AR: variants seen among roughly 807,000 people sequenced by gnomAD.
AR encodes the protein dihydrotestosterone receptor.
Under a neutral mutation model 53.9 loss-of-function variants are expected in AR, and 8 were observed. That is an observed-to-expected ratio of 0.15 (90% confidence interval 0.09 to 0.27). AR has a LOEUF of 0.27. AR is among the 10% of genes least tolerant of loss of function. The pLI is 1.00. For missense variants in AR, 639 were observed against 742.5 expected (o/e 0.86, Z 1.62); for synonymous variants, 359 against 316.4 (o/e 1.13, Z -1.43).
In AR at chrX:67,730,028, C is replaced by A. The variant is rs2076173655; in HGVS notation, c.*6187C>A. ...AAGTCCCCTCACAACCCAGTGACAC[C>A]TTTCTGCTTTCCTCTAGACTGGAAC... On this transcript the variant is annotated 3_prime_UTR_variant, in exon 8 of 8. Transcript: ENST00000374690. 5.7e-6 allele frequency: 1 copy of A among 175,328 alleles called. No individual in the cohort carries two copies. Among genetic ancestry groups the A allele is most frequent in the East Asian group, 8.0e-5 (1 of 12,426 alleles). The allele number at this position is 175,328 out of a possible 1,213,427, so 14.4% of individuals were successfully genotyped here.
chrX:67,636,261 C>G (rs777415249), intron 1 of AR, among the ~76,000 whole-genome samples: 1 of 111,534 alleles, frequency 9.0e-6, no homozygotes, highest in East Asian at 2.8e-4. Flanking sequence ...CCTCTTTCCT[C>G]TTACCATCAC....
chrX:67,693,154 C>T (rs1336355307), intron 3 of AR, among the ~76,000 whole-genome samples: 7 of 112,194 alleles, frequency 6.2e-5, no homozygotes, highest in Admixed American at 9.4e-5. Context: ...TTAATGATAC[C>T]GCATATCTGA....
intron 2 of AR, among the ~76,000 whole-genome samples, chrX:67,666,608 AT>A (rs1179449911): frequency 5.4e-5 from 6 of 111,362 alleles, no homozygotes; most frequent in African/African-American, 2.0e-4. Flanking sequence ...TGATAGCTCT[AT>A]TTTTAGTATT....
chrX:67,651,617 G>A (rs1416624595), intron 2 of AR, among the ~76,000 whole-genome samples: 1 of 111,850 alleles, frequency 8.9e-6, no homozygotes, highest in Non-Finnish European at 1.9e-5. Context: ...AAGAAAGGCA[G>A]CAATGAAGAG....
rs746853821 is a variant in AR, at chrX:67,546,514, T to TGGCGGCGGCGGCGGCGGCGGCGGCGGC, written c.1394_1420dup (p.Gly465_Gly473dup). 2.7e-5 allele frequency: 14 copies of TGGCGGCGGCGGCGGCGGCGGCGGCGGC among 509,502 alleles called. No homozygotes were observed. Among genetic ancestry groups the TGGCGGCGGCGGCGGCGGCGGCGGCGGC allele is most frequent in the African/African-American group, 1.5e-4 (5 of 33,471 alleles). The allele number at this position is 509,502 out of a possible 1,213,427, so 42.0% of individuals were successfully genotyped here. ...GACCGTGTGGTGGTGGTGGGGGTGG[T>TGGCGGCGGCGGCGGCGGCGGCGGCGGC]GGCGGCGGCGGCGGCGGCGGCGGCG... On this transcript the variant is annotated inframe_insertion, in exon 1 of 8. Transcript: ENST00000374690.
chrX:67,698,479 A>G (rs1412949662), intron 3 of AR, among the ~76,000 whole-genome samples: 1 of 112,875 alleles, frequency 8.9e-6, no homozygotes, highest in Middle Eastern at 4.6e-3. Flanking sequence ...TATGTTTGCC[A>G]GGCTTTTTTA....
At chrX:67,643,439 C>G (rs775906908) in intron 2 of AR, 32 bp downstream of exon 2, 1 of 1,186,034 alleles carries the variant, frequency 8.4e-7, no homozygotes, top group African/African-American at 1.8e-5. Flanking sequence ...CTTCTCTTTC[C>G]CTTTCTCCTT....
intron 5 of AR, among the ~76,000 whole-genome samples, chrX:67,720,631 A>G (rs1440958949): frequency 9.0e-6 from 1 of 111,416 alleles, no homozygotes; most frequent in Non-Finnish European, 1.9e-5. Flanking sequence ...CCTGAGTTGA[A>G]TAATTCTACA....
chrX:67,727,072 C>T lies in AR; in HGVS notation c.*3231C>T, dbSNP rs186895500. The T allele has an allele frequency of 1.0e-3, 174 of 172,788 alleles. 1 individual carries two copies. The highest frequency in any genetic ancestry group is 5.0e-3 in the African/African-American group (171 of 34,184). 14.2% of individuals were successfully genotyped at this position (172,788 alleles called of 1,213,427 possible). On this transcript the variant is annotated 3_prime_UTR_variant, in exon 8 of 8. Coordinates refer to ENST00000374690, the MANE Select transcript of AR (RefSeq NM_000044.6). ...GAACTCTGTAGTCAAAGAAAAGAGT[C>T]GTGTGGCAGTTTCAGCTCTCGTTCA...
intron 3 of AR, chrX:67,694,968 T>C: frequency 2.1e-6 from 2 of 973,394 alleles, no homozygotes; most frequent in South Asian, 3.9e-5. Context: ...ATTCATGTAG[T>C]TGTGAGTATC....
Position 67,729,324 on chromosome X carries a change from C to A in AR, c.*5483C>A, listed in dbSNP as rs948945800. 11 of 173,729 alleles carry A rather than the reference C, an allele frequency of 6.3e-5. No individual in the cohort carries two copies. The highest frequency in any genetic ancestry group is 3.3e-4 in the African/African-American group (11 of 33,841). 14.3% of individuals were successfully genotyped at this position (173,729 alleles called of 1,213,427 possible). On this transcript the variant is annotated 3_prime_UTR_variant, in exon 8 of 8. Coordinates refer to ENST00000374690, the MANE Select transcript of AR (RefSeq NM_000044.6). Reference sequence around the variant, plus strand: ...TTGACACTTCTGTTGCCTAGGACCTCCCAACTCAACCATTTCTAGGTGAAG... The same window carrying A: ...TTGACACTTCTGTTGCCTAGGACCTACCAACTCAACCATTTCTAGGTGAAG...
intron 2 of AR, among the ~76,000 whole-genome samples, chrX:67,673,099 C>A (rs1489113423): frequency 1.9e-5 from 2 of 107,374 alleles, no homozygotes; most frequent in Non-Finnish European, 3.8e-5. Context: ...CTCTCCTGGC[C>A]TATAAGGCTA....
Position 67,545,800 on chromosome X carries a change from C to T in AR, c.654C>T (p.Pro218=), listed in dbSNP as rs751027309. 112 of 1,210,796 alleles carry T rather than the reference C, an allele frequency of 9.3e-5. 1 individual carries two copies. In the South Asian group the frequency reaches 1.9e-3, roughly 20 times the overall value. The change falls in exon 1 of 8, where the codon CCC becomes CCT. Residue 218 remains proline (P), a synonymous_variant. Coordinates refer to ENST00000374690, the MANE Select transcript of AR (RefSeq NM_000044.6). ...GAGCGAGGGAGGCCTCGGGGGCTCC[C>T]ACTTCCTCCAAGGACAATTACTTAG... ...SGRAREASGA[P]TSSKDNYLGG...
chrX:67,650,414 A>T (rs1021972211), intron 2 of AR, among the ~76,000 whole-genome samples: 9 of 111,474 alleles, frequency 8.1e-5, no homozygotes, highest in South Asian at 3.8e-4. Flanking sequence ...TGACTATCAA[A>T]CTCTGGTAGT....
rs1929695156 is a variant in AR at position 67,545,722 on chromosome X, A to G, written c.576A>G (p.Gln192=). The G allele has an allele frequency of 1.7e-6, 2 of 1,209,433 alleles. No individual in the cohort carries two copies. Among genetic ancestry groups the G allele is most frequent in the Non-Finnish European group, 1.1e-6 (1 of 894,622 alleles). ...KDILSEASTM[Q]LLQQQQQEAV... is the part of the protein sequence containing the mutation. ...TCCTGAGCGAGGCCAGCACCATGCA[A>G]CTCCTTCAGCAACAGCAGCAGGAAG... is the stretch of plus-strand genomic sequence containing the variant. Residue 192 remains glutamine, a synonymous_variant, in exon 1 of 8, where the codon CAA becomes CAG. Coordinates refer to ENST00000374690, the MANE Select transcript of AR (RefSeq NM_000044.6).
chrX:67,713,474 A>G (rs2076101612), intron 4 of AR, among the ~76,000 whole-genome samples: 1 of 111,980 alleles, frequency 8.9e-6, no homozygotes, highest in South Asian at 3.7e-4. Flanking sequence ...TCAAAGTTTA[A>G]TCTTCCCAAG....
At chrX:67,645,578 GC>G (rs1569293683) in intron 2 of AR, among the ~76,000 whole-genome samples, 1 of 111,491 alleles carries the variant, frequency 9.0e-6, no homozygotes, top group East Asian at 2.8e-4. Flanking sequence ...AGGGCCAAAT[GC>G]ACTTGCCTGC....
Position 67,729,509 on chromosome X carries a change from A to C in AR, c.*5668A>C. 2 of 173,555 alleles carry C rather than the reference A, an allele frequency of 1.2e-5. No individual in the cohort carries two copies. The highest frequency in any genetic ancestry group is 1.8e-3 in the Middle Eastern group (1 of 549). The allele number at this position is 173,555 out of a possible 1,213,427, so 14.3% of individuals were successfully genotyped here. A position where few individuals can be genotyped will look rare whatever the true frequency, so the allele number is the denominator to read the frequency against. On this transcript the variant is annotated 3_prime_UTR_variant, in exon 8 of 8. Transcript: ENST00000374690. ...TTTGACTCAGCTTTGATTTATCCTC[A>C]TTTGATTTGGCCAGAAAGTAGGTAA... is the stretch of plus-strand genomic sequence containing the variant.
At chrX:67,643,125 C>T (rs1191667936) in intron 1 of AR, 131 bp from the exon 2 acceptor site, 9 of 824,122 alleles carry the variant, frequency 1.1e-5, no homozygotes, top group Non-Finnish European at 1.1e-5. Flanking sequence ...AATTCAGCTT[C>T]ACACTAACTA....
Sources: allele counts gnomAD v4.1 joint callset (sites outside exome capture counted in the v4.1 genomes callset), GRCh38; gene constraint gnomAD v4.1.1; transcripts MANE v1.5; gene names NCBI Gene and HGNC (gene_info 2026-07-23, HGNC 2026-07-21).